Variants in ABCC1 observed in about 807,000 individuals in gnomAD.
ABCC1 encodes the protein ATP binding cassette subfamily C member 1 (ABCC1 blood group).
Under a neutral mutation model 172.9 loss-of-function variants are expected in ABCC1, and 83 were observed. The ratio of observed to expected loss-of-function variants is 0.48; its 90% CI spans 0.40 to 0.58. The LOEUF is 0.58. ABCC1 is among the 20% of genes least tolerant of loss of function. ABCC1 has a pLI of 0.00. For missense variants in ABCC1, 1,817 were observed against 2,002.7 expected (o/e 0.91, Z 1.77); for synonymous variants, 937 against 825.2 (o/e 1.14, Z -2.32).
intron 20 of ABCC1, 93 bp downstream of exon 20, chr16:16,102,810 G>A (rs2051829811): frequency 2.4e-6 from 3 of 1,226,098 alleles, no homozygotes; most frequent in East Asian, 2.6e-5. Context: ...GCCCCCTGAG[G>A]TCCTGGAAGG....
intron 16 of ABCC1, 131 bp downstream of exon 16, chr16:16,079,609 T>A: frequency 8.7e-7 from 1 of 1,153,458 alleles, no homozygotes; most frequent in Admixed American, 2.8e-5. Context: ...TTCCTCCTCC[T>A]CCTGTATCTT....
intron 27 of ABCC1, among the ~76,000 whole-genome samples, chr16:16,133,997 G>GTTC (rs2045810830): frequency 6.6e-6 from 1 of 152,144 alleles, no homozygotes; most frequent in Non-Finnish European, 1.5e-5. Flanking sequence ...GAAAAACAGT[G>GTTC]GGGAAATGAG....
At chr16:15,962,246 G>C (rs544048558) in intron 1 of ABCC1, among the ~76,000 whole-genome samples, 1 of 152,256 alleles carries the variant, frequency 6.6e-6, no homozygotes, top group South Asian at 2.1e-4. Flanking sequence ...TTTTTTAAAA[G>C]ATGTGTTTAA....
At chr16:16,085,885 A>G (rs1283733165) in intron 17 of ABCC1, among the ~76,000 whole-genome samples, 1 of 152,154 alleles carries the variant, frequency 6.6e-6, no homozygotes, top group African/African-American at 2.4e-5. Context: ...ATTTCCAGCC[A>G]AATAGGGAAA....
intron 26 of ABCC1, among the ~76,000 whole-genome samples, chr16:16,131,553 A>G (rs1438033536): frequency 6.6e-6 from 1 of 152,150 alleles, no homozygotes; most frequent in African/African-American, 2.4e-5. Flanking sequence ...AGGAGAAGGC[A>G]GTGCGGGAGG....
intron 17 of ABCC1, among the ~76,000 whole-genome samples, chr16:16,085,424 C>T (rs551901838): frequency 1.3e-5 from 2 of 152,222 alleles, no homozygotes; most frequent in Non-Finnish European, 2.9e-5. Context: ...GCTCTGTCGG[C>T]TTTCTTACGT....
chr16:16,014,143 T>C lies in ABCC1; in HGVS notation c.352-348T>C, dbSNP rs533342798. On this transcript the variant is annotated intron_variant, in intron 3 of 30. Coordinates refer to ENST00000399410, the MANE Select transcript of ABCC1 (RefSeq NM_004996.4). The stretch of plus-strand genomic sequence containing the variant: ...CATGAAGTCCAAAATATTTATTACG[T>C]GGTCCATTAAGAAATAGTGTGGCTG... Among the ~76,000 whole-genome samples, 6 of 152,254 alleles carry C rather than the reference T, an allele frequency of 3.9e-5. No homozygotes were observed. In the South Asian group the frequency reaches 1.2e-3, roughly 32 times the overall value.
At chr16:16,007,112 G>A (rs538752013) in intron 1 of ABCC1, among the ~76,000 whole-genome samples, 6 of 152,118 alleles carry the variant, frequency 3.9e-5, no homozygotes, top group African/African-American at 1.2e-4. Context: ...TCCATCTTTC[G>A]TACTACAGTG....
chr16:15,993,019 C>T (rs1262319450), intron 1 of ABCC1, among the ~76,000 whole-genome samples: 4 of 152,256 alleles, frequency 2.6e-5, no homozygotes, highest in East Asian at 1.9e-4. Context: ...CTGCCCAGAC[C>T]GCCACTCTGG....
At chr16:16,016,882 G>A (rs1245620915) in intron 5 of ABCC1, among the ~76,000 whole-genome samples, 4 of 152,216 alleles carry the variant, frequency 2.6e-5, no homozygotes, top group East Asian at 3.8e-4. Context: ...TTGGCATGGT[G>A]ATTTTGGAAA....
At chr16:16,106,025 C>T (rs574326719) in intron 20 of ABCC1, among the ~76,000 whole-genome samples, 37 of 152,010 alleles carry the variant, frequency 2.4e-4, no homozygotes, top group African/African-American at 6.0e-4. Context: ...TGCAGGTGCA[C>T]GGTACCACGC....
intron 5 of ABCC1, among the ~76,000 whole-genome samples, chr16:16,026,157 T>C (rs927075337): frequency 6.6e-5 from 10 of 152,174 alleles, no homozygotes; most frequent in African/African-American, 2.4e-4. Context: ...CCAGGCCGGG[T>C]GCAGTGGCTC....
chr16:16,053,909 A>G (rs902208591), intron 11 of ABCC1, among the ~76,000 whole-genome samples: 4 of 150,942 alleles, frequency 2.7e-5, no homozygotes, highest in South Asian at 2.1e-4. Context: ...TCCTTCTACA[A>G]CTTTCTACGT....
intron 10 of ABCC1, 84 bp downstream of exon 10, chr16:16,048,387 G>T: frequency 6.6e-7 from 1 of 1,506,116 alleles, no homozygotes; most frequent in Non-Finnish European, 9.1e-7. Flanking sequence ...GGTGTTGATG[G>T]TAATGGCATG....
chr16:16,043,832 C>T lies in ABCC1; in HGVS notation c.810-618C>T, dbSNP rs146164739. On this transcript the variant is annotated intron_variant, in intron 7 of 30. Coordinates refer to ENST00000399410, the MANE Select transcript of ABCC1 (RefSeq NM_004996.4). ...GGTCAGGCTGGTCTCAAACTCCTGA[C>T]CCCAAGTGATCCAGCCACCTTGGCC... Among the ~76,000 whole-genome samples the T allele has an allele frequency of 1.2e-3, 184 of 152,278 alleles. 5 individuals carry two copies. In the East Asian group the frequency reaches 0.026, roughly 22 times the overall value.
chr16:16,027,152 G>A (rs1362322330), intron 5 of ABCC1, among the ~76,000 whole-genome samples: 1 of 152,102 alleles, frequency 6.6e-6, no homozygotes, highest in Non-Finnish European at 1.5e-5. Flanking sequence ...GCAAAAGACT[G>A]TCATTTGAGG....
chr16:16,016,946 A>G (rs2151765758), intron 5 of ABCC1, among the ~76,000 whole-genome samples: 1 of 150,182 alleles, frequency 6.7e-6, no homozygotes, highest in Middle Eastern at 3.4e-3. Context: ...AGCTGTCCAG[A>G]TGTTCTGGAA....
chr16:15,980,105 A>G (rs183664894), intron 1 of ABCC1, among the ~76,000 whole-genome samples: 11 of 152,254 alleles, frequency 7.2e-5, no homozygotes, highest in Non-Finnish European at 1.3e-4. Flanking sequence ...ACCTTCAACA[A>G]TGTTTGACTT....
In ABCC1 at chr16:16,099,929, C is replaced by A. The variant is rs531301669; in HGVS notation, c.2645-2698C>A. Among the ~76,000 whole-genome samples, 7 of 152,218 alleles carry A rather than the reference C, an allele frequency of 4.6e-5. No individual in the cohort carries two copies. The East Asian group carries it at 1.4e-3, about 29-fold the overall frequency. On this transcript the variant is annotated intron_variant, in intron 19 of 30. Transcript: ENST00000399410. The stretch of plus-strand genomic sequence containing the variant: ...TGAAACCCCGTCTCTACTAGAAATA[C>A]AAAAGAATTAGCCAGGCACGGTGGT...
Sources: allele counts gnomAD v4.1 joint callset (sites outside exome capture counted in the v4.1 genomes callset), GRCh38; gene constraint gnomAD v4.1.1; transcripts MANE v1.5; gene names NCBI Gene and HGNC (gene_info 2026-07-23, HGNC 2026-07-21).